Variants in PDGFRL observed in about 807,000 individuals in gnomAD.
The protein encoded by PDGFRL is platelet derived growth factor receptor like.
Under a neutral mutation model 37.2 loss-of-function variants are expected in PDGFRL, and 46 were observed. The observed-to-expected ratio is 1.24, with a 90% CI of 0.98 to 1.58. The LOEUF is 1.58. PDGFRL is among the 40% of genes most tolerant of loss of function. PDGFRL has a pLI of 0.00. For synonymous variants in PDGFRL, 251 were observed against 184.3 expected (o/e 1.36, Z -2.93); for missense variants, 692 against 467.6 (o/e 1.48, Z -4.43).
intron 2 of PDGFRL, among the ~76,000 whole-genome samples, chr8:17,593,839 G>C (rs1466822529): frequency 2.0e-5 from 3 of 150,202 alleles, no homozygotes; most frequent in African/African-American, 4.9e-5. Flanking sequence ...GGTGAGCCGA[G>C]ATCGTGCCTT....
At chr8:17,626,278 C>T (rs893432846) in intron 3 of PDGFRL, among the ~76,000 whole-genome samples, 1 of 152,182 alleles carries the variant, frequency 6.6e-6, no homozygotes, top group Non-Finnish European at 1.5e-5. Context: ...AACTCATGAA[C>T]ATTAGGCATG....
intron 4 of PDGFRL, among the ~76,000 whole-genome samples, chr8:17,632,153 C>A (rs954036563): frequency 3.9e-5 from 6 of 152,190 alleles, no homozygotes; most frequent in African/African-American, 1.4e-4. Flanking sequence ...GCCAAGCTAA[C>A]CTCCCTCCTC....
intron 2 of PDGFRL, among the ~76,000 whole-genome samples, chr8:17,592,997 G>C (rs1279443532): frequency 6.6e-6 from 1 of 151,938 alleles, no homozygotes; most frequent in Admixed American, 6.6e-5. Flanking sequence ...AGACGTATAA[G>C]TGATATTAAA....
rs1270961441 is a variant in PDGFRL, at chr8:17,638,767, ATATATATATATATATATAT to A, written c.940-3845_940-3827del. ...TATATATATATATATATATATATATATATATATATATATATATATAATTGTGATATTTTCCTGTTGGGCA... is the reference window on the plus strand; with the variant it reads ...TATATATATATATATATATATATATAAATTGTGATATTTTCCTGTTGGGCA... On this transcript the variant is annotated intron_variant, in intron 5 of 5. Coordinates refer to ENST00000251630, the MANE Select transcript of PDGFRL (RefSeq NM_001372073.1). Among the ~76,000 whole-genome samples the A allele has an allele frequency of 8.5e-4, 100 of 118,194 alleles. 3 individuals carry two copies. Among genetic ancestry groups the A allele is most frequent in the African/African-American group, 3.4e-3 (90 of 26,698 alleles). The allele number at this position is 118,194 out of a possible 152,430, so 77.5% of individuals were successfully genotyped here.
intron 5 of PDGFRL, 81 bp from the exon 6 acceptor site, chr8:17,642,532 G>A (rs1208433566): frequency 2.8e-5 from 23 of 811,668 alleles, no homozygotes; most frequent in South Asian, 8.7e-5. Context: ...TGAAAGGAAC[G>A]CTCAACAGTG....
intron 1 of PDGFRL, among the ~76,000 whole-genome samples, chr8:17,579,468 C>G (rs989259168): frequency 6.6e-6 from 1 of 152,012 alleles, no homozygotes; most frequent in Non-Finnish European, 1.5e-5. Flanking sequence ...ATTACAGACA[C>G]AAGGTCCATG....
At chr8:17,601,300 G>A (rs906154831) in intron 2 of PDGFRL, among the ~76,000 whole-genome samples, 1 of 152,126 alleles carries the variant, frequency 6.6e-6, no homozygotes, top group Admixed American at 6.5e-5. Context: ...TCCTCCATAT[G>A]TATTTCTATG....
At chr8:17,610,908 C>G (rs771306559) in intron 2 of PDGFRL, among the ~76,000 whole-genome samples, 10 of 149,258 alleles carry the variant, frequency 6.7e-5, no homozygotes, top group African/African-American at 2.5e-4. Context: ...GATTCCGTCT[C>G]AAAAAAAATT....
rs779647145 is a variant in PDGFRL at position 17,642,594 on chromosome 8, T to C, written c.940-19T>C. 74 of 1,546,350 alleles carry C rather than the reference T, an allele frequency of 4.8e-5. No individual in the cohort carries two copies. Among genetic ancestry groups the C allele is most frequent in the Non-Finnish European group, 6.6e-5 (74 of 1,118,932 alleles). ...AGCTTGTCCCTCTTGCTTCAGTCTT[T>C]GTGGGTGTCGTTAAACAGGATGAAA... On this transcript the variant is annotated intron_variant, in intron 5 of 5. Transcript: ENST00000251630.
intron 2 of PDGFRL, among the ~76,000 whole-genome samples, chr8:17,616,160 ATTATTGTTATTATTTAT>A (rs1352866268): frequency 6.9e-6 from 1 of 145,510 alleles, no homozygotes; most frequent in Non-Finnish European, 1.5e-5. Flanking sequence ...ATTTTATTTT[ATTATTGTTATTATTTAT>A]TTATTTATTT....
Position 17,596,457 on chromosome 8 carries a change from T to C in PDGFRL, c.353+6692T>C, listed in dbSNP as rs898187295. ...TTTTTATAAAAAAACAGAATTGATA[T>C]AATTTAAATTATTCTGAACATTTAG... On this transcript the variant is annotated intron_variant, in intron 2 of 5. Coordinates refer to ENST00000251630, the MANE Select transcript of PDGFRL (RefSeq NM_001372073.1). 16 of 447,452 alleles carry C rather than the reference T, an allele frequency of 3.6e-5. 1 individual carries two copies. In the South Asian group the frequency reaches 3.7e-4, roughly 10 times the overall value. The allele number at this position is 447,452 out of a possible 1,614,324, so 27.7% of individuals were successfully genotyped here. A position where few individuals can be genotyped will look rare whatever the true frequency, so the allele number is the denominator to read the frequency against.
chr8:17,626,594 T>C (rs997809261), intron 3 of PDGFRL, among the ~76,000 whole-genome samples: 5 of 152,192 alleles, frequency 3.3e-5, no homozygotes, highest in African/African-American at 1.2e-4. Context: ...AAATTATTTA[T>C]TTCAGGAACA....
At chr8:17,620,264 C>CT (rs896220563) in intron 2 of PDGFRL, among the ~76,000 whole-genome samples, 22 of 151,948 alleles carry the variant, frequency 1.4e-4, no homozygotes, top group African/African-American at 4.6e-4. Context: ...CAAACACATT[C>CT]TTTTTTTTGA....
intron 1 of PDGFRL, 43 bp from the exon 2 acceptor site, chr8:17,589,425 A>G: frequency 6.9e-7 from 1 of 1,455,036 alleles, no homozygotes. Flanking sequence ...TATTCCAAAA[A>G]TGTCATTACT....
At chr8:17,609,043 A>G (rs1563517262) in intron 2 of PDGFRL, among the ~76,000 whole-genome samples, 1 of 152,116 alleles carries the variant, frequency 6.6e-6, no homozygotes. Flanking sequence ...AAATAGTGAG[A>G]CCCCATCTCT....
intron 2 of PDGFRL, among the ~76,000 whole-genome samples, chr8:17,594,357 C>T (rs1388783530): frequency 3.3e-5 from 5 of 151,346 alleles, no homozygotes; most frequent in Non-Finnish European, 5.9e-5. Flanking sequence ...TCTCCTGCCT[C>T]AGCCTCCCAA....
intron 4 of PDGFRL, among the ~76,000 whole-genome samples, chr8:17,629,492 C>A (rs1203684255): frequency 6.6e-6 from 1 of 152,160 alleles, no homozygotes; most frequent in East Asian, 1.9e-4. Context: ...AGGCTGGCAT[C>A]CTTCTTGTAC....
intron 2 of PDGFRL, among the ~76,000 whole-genome samples, chr8:17,604,828 G>A (rs1397879166): frequency 6.6e-6 from 1 of 152,130 alleles, no homozygotes; most frequent in Admixed American, 6.5e-5. Flanking sequence ...CAAAGAAAAT[G>A]CATGGCTGGG....
intron 2 of PDGFRL, among the ~76,000 whole-genome samples, chr8:17,610,858 C>A (rs142313414): frequency 1.3e-5 from 2 of 152,114 alleles, no homozygotes; most frequent in Non-Finnish European, 2.9e-5. Flanking sequence ...TTGCAGTGAG[C>A]CGAGATCACA....
Sources: allele counts gnomAD v4.1 joint callset (sites outside exome capture counted in the v4.1 genomes callset), GRCh38; gene constraint gnomAD v4.1.1; transcripts MANE v1.5; gene names NCBI Gene and HGNC (gene_info 2026-07-23, HGNC 2026-07-21).